Variants in TUSC3 observed in about 807,000 individuals in gnomAD.
TUSC3 encodes dolichyl-diphosphooligosaccharide--protein glycosyltransferase subunit TUSC3.
A neutral mutation model predicts 44.8 loss-of-function variants in TUSC3; 45 were observed. That is an observed-to-expected ratio of 1.00 (90% CI 0.79 to 1.29). The LOEUF is 1.29. Ranked by LOEUF, TUSC3 falls within the 50% of genes most tolerant of loss-of-function variation. TUSC3 has a pLI of 0.00. For synonymous variants in TUSC3, 212 were observed against 152.9 expected, an observed-to-expected ratio of 1.39 and a Z score of -2.85; for missense variants, 519 against 437.9, an observed-to-expected ratio of 1.19 and a Z score of -1.65.
chr8:15,824,973 C>T, the TUSC3 span, among the ~76,000 whole-genome samples: 1 of 152,168 alleles, frequency 6.6e-6, no homozygotes, highest in Admixed American at 6.5e-5. Flanking sequence ...ATAAACTAGA[C>T]ACTTGAGACA....
At position 15,751,723 on chromosome 8, in the gene TUSC3, G is replaced by C. The variant is rs181027517; in HGVS notation, c.1028+3258G>C. On this transcript the variant is annotated intron_variant, in intron 9 of 10. Coordinates refer to ENST00000503731, the MANE Select transcript of TUSC3 (RefSeq NM_006765.4). ...GTTAACACCACCAAATATGTGACCA[G>C]AGTAGTATTTAATTCAGTTCATGTA... 5.9e-5 allele frequency among the ~76,000 whole-genome samples: 9 copies of C among 152,320 alleles called. No individual in the cohort carries two copies. In the East Asian group the frequency reaches 1.4e-3, roughly 23 times the overall value.
chr8:15,828,120 A>G, the TUSC3 span, among the ~76,000 whole-genome samples: 1 of 151,294 alleles, frequency 6.6e-6, no homozygotes, highest in Non-Finnish European at 1.5e-5. Flanking sequence ...TCAGCCACTC[A>G]AATAGCTGGG....
At chr8:15,832,522 C>T in the TUSC3 span, among the ~76,000 whole-genome samples, 1 of 152,150 alleles carries the variant, frequency 6.6e-6, no homozygotes, top group Admixed American at 6.5e-5. Flanking sequence ...CATTGGCATG[C>T]TGTCTTCAAG....
intron 2 of TUSC3, 125 bp downstream of exon 2, chr8:15,623,374 A>G (rs1680659203): frequency 1.0e-6 from 1 of 998,014 alleles, no homozygotes; most frequent in Non-Finnish European, 1.3e-6. Flanking sequence ...ATAACTGTGC[A>G]TTTAAAAATA....
chr8:15,624,171 T>C (rs760444350), intron 2 of TUSC3, among the ~76,000 whole-genome samples: 1 of 152,258 alleles, frequency 6.6e-6, no homozygotes, highest in Non-Finnish European at 1.5e-5. Flanking sequence ...TTTAAATTAC[T>C]GAATAATGTT....
intron 1 of TUSC3, among the ~76,000 whole-genome samples, chr8:15,610,880 A>G (rs1182966423): frequency 6.6e-6 from 1 of 152,112 alleles, no homozygotes; most frequent in African/African-American, 2.4e-5. Flanking sequence ...CTCAGGGAAA[A>G]TTTCTGAGGA....
intron 2 of TUSC3, among the ~76,000 whole-genome samples, chr8:15,527,925 A>G (rs1469736814): frequency 6.6e-6 from 1 of 152,216 alleles, no homozygotes; most frequent in African/African-American, 2.4e-5. Flanking sequence ...TTTTAGTAAT[A>G]AAACCAATAT....
At chr8:15,447,307 C>G (rs574953067) in intron 1 of TUSC3, among the ~76,000 whole-genome samples, 3 of 152,114 alleles carry the variant, frequency 2.0e-5, no homozygotes, top group East Asian at 3.9e-4. Context: ...CGTTATAACT[C>G]AATTAATTTA....
At chr8:15,735,901 T>TG (rs35797304) in intron 7 of TUSC3, among the ~76,000 whole-genome samples, 1 of 150,822 alleles carries the variant, frequency 6.6e-6, no homozygotes, top group Non-Finnish European at 1.5e-5. Context: ...GGTTTTTTTT[T>TG]GTATTTTTAG....
the TUSC3 span, among the ~76,000 whole-genome samples, chr8:15,824,959 C>CTA: frequency 6.6e-6 from 1 of 152,118 alleles, no homozygotes; most frequent in Admixed American, 6.5e-5. Context: ...GATTGACTCT[C>CTA]TATATAAACT....
At chr8:15,496,561 T>G (rs1262821423) in intron 2 of TUSC3, among the ~76,000 whole-genome samples, 3 of 151,950 alleles carry the variant, frequency 2.0e-5, no homozygotes, top group Non-Finnish European at 4.4e-5. Context: ...TGGGAGAGAG[T>G]GATTTTTCTC....
chr8:15,448,078 A>C (rs1218940165), intron 1 of TUSC3, among the ~76,000 whole-genome samples: 1 of 62,638 alleles, frequency 1.6e-5, no homozygotes, highest in Non-Finnish European at 3.8e-5. Context: ...CTGTCAGGGC[A>C]GAAAATTCAA....
At chr8:15,514,483 A>C (rs1227463036) in intron 2 of TUSC3, among the ~76,000 whole-genome samples, 1 of 152,194 alleles carries the variant, frequency 6.6e-6, no homozygotes, top group Non-Finnish European at 1.5e-5. Context: ...TAAAAACCAA[A>C]AATAGAAGTT....
At chr8:15,475,895 A>T (rs568962059) in intron 1 of TUSC3, among the ~76,000 whole-genome samples, 1 of 152,276 alleles carries the variant, frequency 6.6e-6, no homozygotes, top group East Asian at 1.9e-4. Context: ...TATTTCTTTC[A>T]AATTAGATTG....
At chr8:15,497,640 T>G (rs1481620020) in intron 2 of TUSC3, among the ~76,000 whole-genome samples, 1 of 152,124 alleles carries the variant, frequency 6.6e-6, no homozygotes, top group African/African-American at 2.4e-5. Flanking sequence ...GTTGTGGAGT[T>G]TTGCTATGAA....
rs536681132 is a variant in TUSC3, at chr8:15,735,301, T to A, written c.862+4572T>A. 7.9e-5 allele frequency among the ~76,000 whole-genome samples: 12 copies of A among 152,220 alleles called. No individual in the cohort carries two copies. In the South Asian group the frequency reaches 2.5e-3, roughly 32 times the overall value. On this transcript the variant is annotated intron_variant, in intron 7 of 10. Transcript: ENST00000503731. ...TTAGAGGAAGAAGAAACAAAATTGA[T>A]AATAAATGTCACAAGTAAGGTTCAA...
At chr8:15,755,059 A>G (rs888068816) in intron 9 of TUSC3, among the ~76,000 whole-genome samples, 5 of 152,076 alleles carry the variant, frequency 3.3e-5, no homozygotes, top group African/African-American at 4.8e-5. Context: ...ATCTTCCCCT[A>G]AAGTTTACCC....
the TUSC3 span, among the ~76,000 whole-genome samples, chr8:15,773,388 C>T: frequency 6.6e-6 from 1 of 151,944 alleles, no homozygotes; most frequent in Non-Finnish European, 1.5e-5. Flanking sequence ...TAATAAAATA[C>T]TTTTGGACAG....
chr8:15,649,048 C>A (rs1415328382), intron 2 of TUSC3, among the ~76,000 whole-genome samples: 2 of 152,198 alleles, frequency 1.3e-5, no homozygotes, highest in East Asian at 3.9e-4. Flanking sequence ...AATCTCAGAT[C>A]CTGCACAGTT....
Sources: gnomAD v4.1 joint callset for allele counts (sites outside exome capture counted in the v4.1 genomes callset) on GRCh38, gnomAD v4.1.1 for gene constraint, MANE v1.5 for transcripts, NCBI Gene and HGNC (gene_info 2026-07-23, HGNC 2026-07-21) for gene names.